USP32: variants seen among roughly 807,000 people sequenced by gnomAD.
The protein encoded by USP32 is ubiquitin carboxyl-terminal hydrolase 32.
In USP32, 59 loss-of-function variants were observed where a neutral mutation model predicts 204.8. The observed-to-expected ratio is 0.29, with a 90% CI of 0.23 to 0.36. The LOEUF (loss-of-function observed/expected upper bound fraction) is 0.36. USP32 is among the 10% of genes least tolerant of loss of function. The pLI is 1.00. For synonymous variants in USP32, 517 were observed against 678.4 expected, an observed-to-expected ratio of 0.76 and a Z score of 3.70; for missense variants, 1,160 against 1,946.4, an observed-to-expected ratio of 0.60 and a Z score of 7.60.
At chr17:60,222,164 A>G (rs1217870085) in intron 15 of USP32, among the ~76,000 whole-genome samples, 1 of 152,188 alleles carries the variant, frequency 6.6e-6, no homozygotes, top group East Asian at 1.9e-4. Flanking sequence ...AGTTCCACAT[A>G]TCCTAGGTGA....
rs2084018047 is a variant in USP32, at chr17:60,178,350, C to A, written c.*905G>T. ...CGTGATCTAGCTCCAATGCCACTTACCTTCCCAGAAGCTCTTGTTGCAACA... is the reference window on the plus strand; with the variant it reads ...CGTGATCTAGCTCCAATGCCACTTAACTTCCCAGAAGCTCTTGTTGCAACA... On this transcript the variant is annotated 3_prime_UTR_variant, in exon 34 of 34. Coordinates refer to ENST00000300896, the MANE Select transcript of USP32 (RefSeq NM_032582.4). Among the ~76,000 whole-genome samples, 1 of 152,216 alleles carries A rather than the reference C, an allele frequency of 6.6e-6. No individual in the cohort carries two copies. The highest frequency in any genetic ancestry group is 1.5e-5 in the Non-Finnish European group (1 of 68,050).
At chr17:60,391,854 C>G in intron 1 of USP32, 28 bp downstream of exon 1, 1 of 1,599,464 alleles carries the variant, frequency 6.3e-7, no homozygotes, top group Non-Finnish European at 8.5e-7. Context: ...GCCTCCCAGG[C>G]AGCTCGCCCA....
In USP32 at chr17:60,305,954, A is replaced by C. The variant is rs114927770; in HGVS notation, c.187-4250T>G. 2.2e-3 allele frequency among the ~76,000 whole-genome samples: 332 copies of C among 152,320 alleles called. 1 individual carries two copies. The highest frequency in any genetic ancestry group is 6.9e-3 in the African/African-American group (285 of 41,572). ...CATCCAGTTCATTTGACAAATGATT[A>C]AGAGGAAGCCCCCAAAAATCACCAT... On this transcript the variant is annotated intron_variant, in intron 2 of 33. Coordinates refer to ENST00000300896, the MANE Select transcript of USP32 (RefSeq NM_032582.4).
chr17:60,421,451 C>T, intron 1 of USP32: 1 of 985,638 alleles, frequency 1.0e-6, no homozygotes, highest in African/African-American at 1.7e-5. Flanking sequence ...GGCGGTCCCA[C>T]CGCACTGTCG....
intron 1 of USP32, among the ~76,000 whole-genome samples, chr17:60,401,039 C>G (rs1373057318): frequency 1.3e-5 from 2 of 152,042 alleles, no homozygotes. Context: ...GCCTATAGTC[C>G]CAGCTACTTA....
chr17:60,310,425 G>A (rs914082602), intron 2 of USP32, among the ~76,000 whole-genome samples: 19 of 152,234 alleles, frequency 1.2e-4, no homozygotes, highest in African/African-American at 4.6e-4. Flanking sequence ...AAGAGGCTGG[G>A]TGCGGTGGTT....
At chr17:60,388,289 T>TAA (rs1555623769) in intron 1 of USP32, among the ~76,000 whole-genome samples, 1 of 141,912 alleles carries the variant, frequency 7.0e-6, no homozygotes, top group African/African-American at 2.7e-5. Flanking sequence ...AGCCGATTCT[T>TAA]ACACACACAC....
Position 60,179,250 on chromosome 17 carries a change from T to G in USP32, c.*5A>C, listed in dbSNP as rs2084038859. ...CCAAGCTGTCTAGCAGCCAGAGTGGTAGCTTTACTGTAACACACAGTACTT... is the reference window on the plus strand; with the variant it reads ...CCAAGCTGTCTAGCAGCCAGAGTGGGAGCTTTACTGTAACACACAGTACTT... On this transcript the variant is annotated 3_prime_UTR_variant, in exon 34 of 34. Transcript: ENST00000300896. 1 of 1,612,284 alleles carries G rather than the reference T, an allele frequency of 6.2e-7. No individual in the cohort carries two copies. Among genetic ancestry groups the G allele is most frequent in the Admixed American group, 1.7e-5 (1 of 59,930 alleles).
chr17:60,414,517 C>T (rs925112817), intron 1 of USP32, among the ~76,000 whole-genome samples: 1 of 148,882 alleles, frequency 6.7e-6, no homozygotes, highest in African/African-American at 2.5e-5. Flanking sequence ...CAACCTCTGC[C>T]TCCCAGGTTC....
chr17:60,197,586 A>G (rs1294412347), intron 27 of USP32, among the ~76,000 whole-genome samples: 1 of 152,244 alleles, frequency 6.6e-6, no homozygotes, highest in Non-Finnish European at 1.5e-5. Flanking sequence ...TCCGGGCAAC[A>G]AGAGCAAAAC....
At chr17:60,378,692 A>G (rs921641376) in intron 1 of USP32, among the ~76,000 whole-genome samples, 1 of 152,206 alleles carries the variant, frequency 6.6e-6, no homozygotes, top group Non-Finnish European at 1.5e-5. Context: ...AAGGTCAAAT[A>G]TTGTACGATT....
intron 1 of USP32, among the ~76,000 whole-genome samples, chr17:60,388,930 G>A (rs1030357384): frequency 6.6e-6 from 1 of 152,092 alleles, no homozygotes; most frequent in African/African-American, 2.4e-5. Context: ...CCAAGGCCCC[G>A]CTTTGCAAGA....
chr17:60,323,503 G>A lies in USP32; in HGVS notation c.187-21799C>T, dbSNP rs181490851. ...AAAACAGGGATGACTGTTAAAGTAAGGTTTCTTTTTGGGGAGATGAAACTG... is the reference window on the plus strand; with the variant it reads ...AAAACAGGGATGACTGTTAAAGTAAAGTTTCTTTTTGGGGAGATGAAACTG... On this transcript the variant is annotated intron_variant, in intron 2 of 33. Coordinates refer to ENST00000300896, the MANE Select transcript of USP32 (RefSeq NM_032582.4). Among the ~76,000 whole-genome samples, 6 of 152,274 alleles carry A rather than the reference G, an allele frequency of 3.9e-5. No homozygotes were observed. The East Asian group carries it at 9.6e-4, about 24-fold the overall frequency.
At chr17:60,218,134 T>C (rs1381522977) in intron 16 of USP32, among the ~76,000 whole-genome samples, 1 of 152,102 alleles carries the variant, frequency 6.6e-6, no homozygotes, top group Non-Finnish European at 1.5e-5. Flanking sequence ...ACTGAAAGAA[T>C]TCTTACCAAA....
At chr17:60,362,360 G>A (rs905742429) in intron 1 of USP32, among the ~76,000 whole-genome samples, 2 of 152,194 alleles carry the variant, frequency 1.3e-5, no homozygotes, top group Admixed American at 6.5e-5. Flanking sequence ...GAGGACAAAT[G>A]GAGAAATACG....
chr17:60,315,582 C>T (rs905555621), intron 2 of USP32, among the ~76,000 whole-genome samples: 2 of 151,824 alleles, frequency 1.3e-5, no homozygotes, highest in Non-Finnish European at 2.9e-5. Context: ...AATTCTGTTC[C>T]AAAAAGAATT....
intron 2 of USP32, 116 bp from the exon 3 acceptor site, chr17:60,301,820 T>C (rs2087584328): frequency 1.3e-5 from 9 of 693,260 alleles, no homozygotes; most frequent in Middle Eastern, 2.4e-4. Context: ...CTGGTAAATT[T>C]TAGTGAAATC....
At chr17:60,279,048 G>C (rs1169646196) in intron 5 of USP32, among the ~76,000 whole-genome samples, 1 of 152,156 alleles carries the variant, frequency 6.6e-6, no homozygotes, top group Non-Finnish European at 1.5e-5. Flanking sequence ...GGGAAGAACT[G>C]TACTAACTTA....
At chr17:60,256,953 T>C in intron 9 of USP32, 1 of 349,978 alleles carries the variant, frequency 2.9e-6, no homozygotes, top group Non-Finnish European at 5.5e-6. Flanking sequence ...CTAAGAAATA[T>C]ATTGATAAGA....
Sources: allele counts gnomAD v4.1 joint callset (sites outside exome capture counted in the v4.1 genomes callset), GRCh38; gene constraint gnomAD v4.1.1; transcripts MANE v1.5; gene names NCBI Gene and HGNC (gene_info 2026-07-23, HGNC 2026-07-21).